The following FAM174A variants were observed in gnomAD, a reference collection of about 807,000 sequenced individuals.
The protein encoded by FAM174A is membrane protein FAM174A.
FAM174A carries 14 observed loss-of-function variants against 14.3 expected under a neutral mutation model. The ratio of observed to expected loss-of-function variants is 0.98; its 90% CI spans 0.65 to 1.53. FAM174A has a LOEUF of 1.53. Ranked by LOEUF, FAM174A falls within the 40% of genes most tolerant of loss-of-function variation. The pLI, the probability that FAM174A is intolerant of heterozygous loss-of-function variation, is 0.00. For synonymous variants in FAM174A, 108 were observed against 111.4 expected (o/e 0.97, Z 0.19); for missense variants, 241 against 249.6 (o/e 0.97, Z 0.23).
chr5:100,573,144 G>A (rs570414432), intron 2 of FAM174A, among the ~76,000 whole-genome samples: 1 of 152,182 alleles, frequency 6.6e-6, no homozygotes, highest in East Asian at 1.9e-4. Context: ...TGTAGATTCT[G>A]GATATTAGCC....
rs536756884 is a variant in FAM174A at position 100,547,928 on chromosome 5, C to T, written c.434+11964C>T. Among the ~76,000 whole-genome samples the T allele has an allele frequency of 3.9e-5, 6 of 152,116 alleles. No individual in the cohort carries two copies. The South Asian group carries it at 8.3e-4, about 21-fold the overall frequency. Reference sequence around the variant, plus strand: ...TTATTAAGAATTCCATATTTTTCCACTCTTGCCTTTCTATAGGATGGCTGC... The same window carrying T: ...TTATTAAGAATTCCATATTTTTCCATTCTTGCCTTTCTATAGGATGGCTGC... On this transcript the variant is annotated intron_variant, in intron 1 of 2. Transcript: ENST00000312637.
chr5:100,556,744 G>T (rs1443075949), intron 1 of FAM174A, among the ~76,000 whole-genome samples: 1 of 152,126 alleles, frequency 6.6e-6, no homozygotes, highest in East Asian at 1.9e-4. Context: ...CTGTCCGTTT[G>T]TCTGTTATTG....
At chr5:100,548,959 A>T (rs1426244297) in intron 1 of FAM174A, among the ~76,000 whole-genome samples, 1 of 152,064 alleles carries the variant, frequency 6.6e-6, no homozygotes, top group Non-Finnish European at 1.5e-5. Context: ...GTATACAAAT[A>T]TTGTTATGTA....
intron 1 of FAM174A, 34 bp downstream of exon 1, chr5:100,535,998 G>C: frequency 2.6e-6 from 4 of 1,524,506 alleles, no homozygotes; most frequent in Non-Finnish European, 3.5e-6. Context: ...ACCCCCGTGG[G>C]CCTGAGATAC....
chr5:100,544,447 G>C (rs530601083), intron 1 of FAM174A, among the ~76,000 whole-genome samples: 1 of 152,134 alleles, frequency 6.6e-6, no homozygotes, highest in East Asian at 1.9e-4. Flanking sequence ...GAGAGACAGA[G>C]AGAGAAGGAG....
chr5:100,555,253 T>C (rs1057473823), intron 1 of FAM174A, among the ~76,000 whole-genome samples: 1 of 152,008 alleles, frequency 6.6e-6, no homozygotes, highest in African/African-American at 2.4e-5. Flanking sequence ...ACAAAGGACA[T>C]GAACTCATCA....
chr5:100,566,138 T>C (rs1746639525), intron 2 of FAM174A, among the ~76,000 whole-genome samples: 1 of 17,244 alleles, frequency 5.8e-5, no homozygotes, highest in African/African-American at 1.5e-4. Flanking sequence ...ATTTGAAAAG[T>C]ATGATATATA....
chr5:100,536,662 A>T (rs551562625), intron 1 of FAM174A, among the ~76,000 whole-genome samples: 6 of 152,306 alleles, frequency 3.9e-5, no homozygotes, highest in South Asian at 4.1e-4. Context: ...AGGTGAGGGA[A>T]AGCTGTCTAG....
chr5:100,541,826 A>G (rs1319135940), intron 1 of FAM174A, among the ~76,000 whole-genome samples: 1 of 152,118 alleles, frequency 6.6e-6, no homozygotes, highest in Non-Finnish European at 1.5e-5. Context: ...TCTCAGTTTC[A>G]TGGATATTTT....
At chr5:100,562,217 A>T (rs1303084647) in intron 2 of FAM174A, 29 bp downstream of exon 2, 1 of 1,552,092 alleles carries the variant, frequency 6.4e-7, no homozygotes. Context: ...TAATTCCATG[A>T]ATCAGGAAGC....
At chr5:100,554,779 G>A (rs1016099977) in intron 1 of FAM174A, among the ~76,000 whole-genome samples, 1 of 152,006 alleles carries the variant, frequency 6.6e-6, no homozygotes, top group Non-Finnish European at 1.5e-5. Flanking sequence ...TTATCTATCT[G>A]TCTATCTATC....
At chr5:100,567,902 T>TC (rs1313463623) in intron 2 of FAM174A, among the ~76,000 whole-genome samples, 6 of 151,928 alleles carry the variant, frequency 3.9e-5, no homozygotes, top group African/African-American at 2.4e-5. Flanking sequence ...TAATGACTTT[T>TC]CCCCTCCATA....
intron 1 of FAM174A, among the ~76,000 whole-genome samples, chr5:100,539,316 T>C (rs1746006271): frequency 6.6e-6 from 1 of 152,072 alleles, no homozygotes; most frequent in Non-Finnish European, 1.5e-5. Context: ...ATTAACCAAA[T>C]AATCACATAG....
chr5:100,536,607 T>C lies in FAM174A; in HGVS notation c.434+643T>C, dbSNP rs117959477. Among the ~76,000 whole-genome samples, 63 of 152,210 alleles carry C rather than the reference T, an allele frequency of 4.1e-4. 1 individual carries two copies. In the East Asian group the frequency reaches 0.011, roughly 27 times the overall value. On this transcript the variant is annotated intron_variant, in intron 1 of 2. Coordinates refer to ENST00000312637, the MANE Select transcript of FAM174A (RefSeq NM_198507.3). ...GAATCACCTTCCTGAAGAGTTGACATACAGAGCCAAGACCTCACCATTAGG... is the reference window on the plus strand; with the variant it reads ...GAATCACCTTCCTGAAGAGTTGACACACAGAGCCAAGACCTCACCATTAGG...
At chr5:100,568,785 T>A (rs1180084054) in intron 2 of FAM174A, among the ~76,000 whole-genome samples, 3 of 151,932 alleles carry the variant, frequency 2.0e-5, no homozygotes, top group African/African-American at 7.2e-5. Flanking sequence ...TCATGTCCAG[T>A]ACTAAGGATA....
At chr5:100,576,485 G>T (rs1358412158) in intron 2 of FAM174A, among the ~76,000 whole-genome samples, 7 of 152,100 alleles carry the variant, frequency 4.6e-5, no homozygotes, top group African/African-American at 1.7e-4. Context: ...GAATGAGAAA[G>T]GTTTCCCTAA....
At position 100,535,437 on chromosome 5, in the gene FAM174A, C is replaced by T. The variant is rs370791958; in HGVS notation, c.-94C>T. ...GGGCCTCTCCCTGGCGTTTGGTCAC[C>T]TCTGCTTCATTCTCCACCGCGCCTA... On this transcript the variant is annotated 5_prime_UTR_variant, in exon 1 of 3. Coordinates refer to ENST00000312637, the MANE Select transcript of FAM174A (RefSeq NM_198507.3). The T allele has an allele frequency of 7.0e-7, 1 of 1,423,786 alleles. No homozygotes were observed. Among genetic ancestry groups the T allele is most frequent in the East Asian group, 2.3e-5 (1 of 43,758 alleles). The allele number at this position is 1,423,786 out of a possible 1,614,324, so 88.2% of individuals were successfully genotyped here. A position where few individuals can be genotyped will look rare whatever the true frequency, so the allele number is the denominator to read the frequency against.
At chr5:100,546,323 A>C (rs1314079567) in intron 1 of FAM174A, among the ~76,000 whole-genome samples, 1 of 152,148 alleles carries the variant, frequency 6.6e-6, no homozygotes, top group Non-Finnish European at 1.5e-5. Context: ...ACATCTGTTC[A>C]TGTTTTATTG....
chr5:100,538,141 G>A (rs919708015), intron 1 of FAM174A, among the ~76,000 whole-genome samples: 1 of 152,146 alleles, frequency 6.6e-6, no homozygotes, highest in African/African-American at 2.4e-5. Context: ...AAGCTTGAAT[G>A]ATGCTAACAA....
Sources: allele counts gnomAD v4.1 joint callset (sites outside exome capture counted in the v4.1 genomes callset), GRCh38; gene constraint gnomAD v4.1.1; transcripts MANE v1.5; gene names NCBI Gene and HGNC (gene_info 2026-07-23, HGNC 2026-07-21).